STT3B: variants seen among roughly 807,000 people sequenced by gnomAD.
STT3B encodes STT3 oligosaccharyltransferase complex catalytic subunit B.
In STT3B, 29 loss-of-function variants were observed where a neutral mutation model predicts 96.8. The ratio of observed to expected loss-of-function variants is 0.30; its 90% CI spans 0.22 to 0.41. The LOEUF (loss-of-function observed/expected upper bound fraction) is 0.41. STT3B is among the 10% of genes least tolerant of loss of function. The probability of loss-of-function intolerance (pLI) is 1.00; values close to 1 mark genes in which losing one functional copy is unlikely to be tolerated. For missense variants in STT3B, 640 were observed against 1,022.3 expected, an observed-to-expected ratio of 0.63 and a Z score of 5.10; for synonymous variants, 367 against 360.0, an observed-to-expected ratio of 1.02 and a Z score of -0.22.
intron 5 of STT3B, among the ~76,000 whole-genome samples, chr3:31,607,253 C>T (rs1699073968): frequency 6.6e-6 from 1 of 152,032 alleles, no homozygotes; most frequent in Admixed American, 6.6e-5. Flanking sequence ...TATTGGGGGA[C>T]TATTGGGAAG....
chr3:31,623,356 C>T (rs1699468566), intron 10 of STT3B, among the ~76,000 whole-genome samples: 1 of 152,042 alleles, frequency 6.6e-6, no homozygotes, highest in Non-Finnish European at 1.5e-5. Context: ...AAGATTTCAC[C>T]AGAATGGGGT....
At chr3:31,554,861 C>T (rs1214596548) in intron 1 of STT3B, among the ~76,000 whole-genome samples, 1 of 152,000 alleles carries the variant, frequency 6.6e-6, no homozygotes. Flanking sequence ...ACATAACAGC[C>T]CTAAAGTCAA....
At chr3:31,575,008 C>T (rs947378210) in intron 1 of STT3B, among the ~76,000 whole-genome samples, 3 of 152,030 alleles carry the variant, frequency 2.0e-5, no homozygotes, top group African/African-American at 7.2e-5. Flanking sequence ...TTGGCAATTA[C>T]AATTTTGCCA....
At chr3:31,594,522 C>G (rs962818719) in intron 3 of STT3B, among the ~76,000 whole-genome samples, 1 of 151,990 alleles carries the variant, frequency 6.6e-6, no homozygotes, top group Non-Finnish European at 1.5e-5. Flanking sequence ...CTCCACCTCC[C>G]GGGTTCAAGT....
intron 5 of STT3B, among the ~76,000 whole-genome samples, chr3:31,608,603 G>T (rs1384637500): frequency 6.6e-6 from 1 of 152,182 alleles, no homozygotes; most frequent in African/African-American, 2.4e-5. Flanking sequence ...GATCAAAAAG[G>T]CTTTCAGTGA....
intron 10 of STT3B, among the ~76,000 whole-genome samples, chr3:31,623,226 G>A (rs4955107): frequency 0.47 from 70,908 of 151,940 alleles, 19,612 homozygotes; most frequent in Non-Finnish European, 0.62. Context: ...TTTCGAAATC[G>A]GAAGACTGAT....
chr3:31,623,861 G>C lies in STT3B; in HGVS notation c.1727G>C (p.Gly576Ala). The C allele has an allele frequency of 1.3e-6, 2 of 1,580,780 alleles. No individual in the cohort carries two copies. Among genetic ancestry groups the C allele is most frequent in the Non-Finnish European group, 8.6e-7 (1 of 1,159,904 alleles). Reference protein sequence around the residue: ...SVVLASYNHDGTRNILDDFRE... With the variant: ...SVVLASYNHDATRNILDDFRE... ...GTCCTGGCCTCATACAATCATGATG[G>C]GTAAGAAAATAACTCGGATACAAAA... is the stretch of plus-strand genomic sequence containing the variant. The change falls in exon 11 of 16, where the codon GGC becomes GCC. Residue 576 changes from glycine to alanine, a missense_variant and splice_region_variant. Around this residue, in one of 8 missense-constraint regions of STT3B, gnomAD observed 149 missense variants for 250.2 expected, o/e 0.60. Coordinates refer to ENST00000295770, the MANE Select transcript of STT3B (RefSeq NM_178862.3).
intron 1 of STT3B, among the ~76,000 whole-genome samples, chr3:31,540,592 A>T (rs1040334212): frequency 3.3e-5 from 5 of 152,062 alleles, no homozygotes; most frequent in African/African-American, 1.2e-4. Context: ...CTTCAAATGC[A>T]TTGTTTTAAA....
At chr3:31,552,488 AACTTAT>A (rs1370829057) in intron 1 of STT3B, among the ~76,000 whole-genome samples, 6 of 152,192 alleles carry the variant, frequency 3.9e-5, no homozygotes, top group African/African-American at 7.2e-5. Flanking sequence ...GACTTTTAAA[AACTTAT>A]ACTTACTACA....
intron 1 of STT3B, among the ~76,000 whole-genome samples, chr3:31,574,747 G>C (rs1698229068): frequency 6.6e-6 from 1 of 152,048 alleles, no homozygotes; most frequent in South Asian, 2.1e-4. Flanking sequence ...CAATCCAGTG[G>C]TTCCACTGAG....
chr3:31,581,853 A>T (rs1395081830), intron 3 of STT3B, among the ~76,000 whole-genome samples: 1 of 152,164 alleles, frequency 6.6e-6, no homozygotes, highest in Non-Finnish European at 1.5e-5. Flanking sequence ...GAGATTTCTG[A>T]TTGCTGATTC....
At chr3:31,571,965 T>C (rs1698152078) in intron 1 of STT3B, among the ~76,000 whole-genome samples, 2 of 133,058 alleles carry the variant, frequency 1.5e-5, no homozygotes. Flanking sequence ...TATATTAAAA[T>C]ATTAAATATA....
At chr3:31,580,675 CAG>C (rs1414913680) in intron 3 of STT3B, among the ~76,000 whole-genome samples, 1 of 152,000 alleles carries the variant, frequency 6.6e-6, no homozygotes, top group Non-Finnish European at 1.5e-5. Context: ...AGGTGAATGG[CAG>C]CATAAATTTT....
At position 31,624,897 on chromosome 3, in the gene STT3B, A is replaced by G. The variant is rs1699503305; in HGVS notation, c.1728-17A>G. On this transcript the variant is annotated splice_polypyrimidine_tract_variant and intron_variant, in intron 11 of 15. Coordinates refer to ENST00000295770, the MANE Select transcript of STT3B (RefSeq NM_178862.3). ...TTTGTGACATCTCATTTAAAAGAGT[A>G]TTGTGATTCTTTTCAGCACCAGGAA... 6.3e-7 allele frequency: 1 copy of G among 1,598,912 alleles called. No homozygotes were observed. The highest frequency in any genetic ancestry group is 8.6e-7 in the Non-Finnish European group (1 of 1,169,206).
chr3:31,587,846 T>C (rs1211615017), intron 3 of STT3B, among the ~76,000 whole-genome samples: 1 of 152,170 alleles, frequency 6.6e-6, no homozygotes, highest in African/African-American at 2.4e-5. Context: ...TAATTTCCCA[T>C]GTGACTGACA....
At chr3:31,568,064 T>C (rs1698047612) in intron 1 of STT3B, among the ~76,000 whole-genome samples, 1 of 152,048 alleles carries the variant, frequency 6.6e-6, no homozygotes, top group South Asian at 2.1e-4. Flanking sequence ...ATGAGTTCAA[T>C]TGTGTTAATT....
intron 15 of STT3B, 46 bp downstream of exon 15, chr3:31,633,193 G>GT: frequency 6.6e-7 from 1 of 1,524,634 alleles, no homozygotes; most frequent in Non-Finnish European, 8.9e-7. Context: ...AGGTGTGTTG[G>GT]TTTGTATGAA....
chr3:31,605,685 T>G (rs1280770063), intron 5 of STT3B, among the ~76,000 whole-genome samples: 2 of 152,194 alleles, frequency 1.3e-5, no homozygotes, highest in African/African-American at 4.8e-5. Flanking sequence ...ATTACCCAGT[T>G]TCAGGTATGT....
chr3:31,555,977 A>G (rs534565234), intron 1 of STT3B, among the ~76,000 whole-genome samples: 1 of 152,268 alleles, frequency 6.6e-6, no homozygotes, highest in Admixed American at 6.5e-5. Context: ...ACTCTGCTAT[A>G]CAACATTAGA....
Sources: gnomAD v4.1 joint callset for allele counts (sites outside exome capture counted in the v4.1 genomes callset) on GRCh38, gnomAD v4.1.1 for gene constraint, gnomAD v4.1.1 regional missense constraint, MANE v1.5 for transcripts, NCBI Gene and HGNC (gene_info 2026-07-23, HGNC 2026-07-21) for gene names.